DMBT1: variants seen among roughly 807,000 people sequenced by gnomAD.
The protein encoded by DMBT1 is deleted in malignant brain tumors 1.
DMBT1 carries 198 observed loss-of-function variants against 252.9 expected under a neutral mutation model. The observed-to-expected ratio is 0.78, with a 90% CI of 0.70 to 0.88. DMBT1 has a LOEUF of 0.88. Ranked by LOEUF, DMBT1 falls within the 40% of genes least tolerant of loss-of-function variation. The probability of loss-of-function intolerance (pLI) is 0.00; values close to 1 mark genes in which losing one functional copy is unlikely to be tolerated. For synonymous variants in DMBT1, 990 were observed against 942.7 expected, an observed-to-expected ratio of 1.05 and a Z score of -0.92; for missense variants, 2,432 against 2,404.7, an observed-to-expected ratio of 1.01 and a Z score of -0.24.
intron 46 of DMBT1, 111 bp from the exon 47 acceptor site, chr10:122,629,729 C>G (rs970256146): frequency 1.5e-6 from 2 of 1,314,920 alleles, no homozygotes; most frequent in Non-Finnish European, 2.1e-6. Flanking sequence ...AAAGTTAAGT[C>G]TTGTTATAAA....
rs111726992 is a variant in DMBT1 at position 122,621,240 on chromosome 10, G to T, written c.5468G>T (p.Arg1823Leu). 4 of 1,613,810 alleles carry T rather than the reference G, an allele frequency of 2.5e-6. No individual in the cohort carries two copies. Among genetic ancestry groups the T allele is most frequent in the African/African-American group, 1.3e-5 (1 of 75,030 alleles). The part of the protein sequence containing the change: ...GWAMSAPGNA[R>L]FGQGSGPIVL... The stretch of plus-strand genomic sequence containing the variant: ...GCCATGTCGGCCCCAGGAAATGCCC[G>T]GTTTGGCCAGGGCTCAGGACCCATT... Residue 1823 changes from arginine (R) to leucine (L), a missense_variant, in exon 44 of 56, where the codon CGG (arginine) becomes CTG (leucine). Physicochemically the swap from Arg to Leu is moderately radical, Grantham distance 102. Transcript: ENST00000338354.
chr10:122,617,669 T>C (rs2098008223), intron 40 of DMBT1, among the ~76,000 whole-genome samples: 2 of 151,656 alleles, frequency 1.3e-5, no homozygotes, highest in South Asian at 4.2e-4. Flanking sequence ...GAGGACCATG[T>C]GGATGCCACC....
chr10:122,642,259 G>A (rs961344936), intron 55 of DMBT1, among the ~76,000 whole-genome samples: 13 of 152,162 alleles, frequency 8.5e-5, no homozygotes, highest in African/African-American at 3.1e-4. Context: ...GGCTCTAGAA[G>A]ACAGAAGGAG....
At chr10:122,630,843 T>A (rs2098158670) in intron 48 of DMBT1, 118 bp from the exon 49 acceptor site, 6 of 1,167,588 alleles carry the variant, frequency 5.1e-6, no homozygotes, top group Non-Finnish European at 7.2e-6. Flanking sequence ...TTTTCCACAT[T>A]TCTATTTGGC....
At chr10:122,578,636 T>G in intron 8 of DMBT1, 82 bp from the exon 9 acceptor site, 5 of 1,230,676 alleles carry the variant, frequency 4.1e-6, no homozygotes, top group Non-Finnish European at 5.9e-6. Context: ...TCACAGTGCT[T>G]GCCTGGTCCA....
chr10:122,642,187 A>C (rs1002405542), intron 55 of DMBT1, among the ~76,000 whole-genome samples: 1 of 149,926 alleles, frequency 6.7e-6, no homozygotes, highest in African/African-American at 2.5e-5. Context: ...AAAAAAAAAC[A>C]AAAACAAAAA....
At chr10:122,619,619 G>T (rs796641303) in intron 42 of DMBT1, among the ~76,000 whole-genome samples, 23 of 152,330 alleles carry the variant, frequency 1.5e-4, no homozygotes, top group African/African-American at 5.0e-4. Context: ...TGTTTAATGA[G>T]CTTTAGCTCA....
intron 3 of DMBT1, 118 bp downstream of exon 3, chr10:122,570,327 T>C: frequency 2.2e-6 from 2 of 898,380 alleles, no homozygotes; most frequent in East Asian, 2.4e-5. Flanking sequence ...ATTCAGTGTT[T>C]GGGCTGACTG....
rs2097752578 is a variant in DMBT1 at position 122,579,909 on chromosome 10, T to A, written c.1003+8T>A. The A allele has an allele frequency of 6.2e-7, 1 of 1,613,724 alleles. No individual in the cohort carries two copies. On this transcript the variant is annotated splice_region_variant and intron_variant, in intron 10 of 55. Transcript: ENST00000338354. ...CTGGTGTCATCTGCTCAGGTGGGCC[T>A]TCAAGAACTTGGGCTCACTCTCTTG...
chr10:122,567,617 C>T (rs987889998), intron 2 of DMBT1, among the ~76,000 whole-genome samples: 3 of 152,204 alleles, frequency 2.0e-5, no homozygotes, highest in Admixed American at 6.5e-5. Flanking sequence ...CTGGCTCCTA[C>T]TGTCAGGACG....
At chr10:122,617,203 C>T (rs748148174) in intron 39 of DMBT1, 25 bp from the exon 40 acceptor site, 6 of 1,607,368 alleles carry the variant, frequency 3.7e-6, no homozygotes, top group Non-Finnish European at 4.2e-6. Flanking sequence ...CTAATTCTGT[C>T]TTTTTTCTTT....
At position 122,578,757 on chromosome 10, in the gene DMBT1, A is replaced by T. The variant is rs564260939; in HGVS notation, c.677A>T (p.Glu226Val). ...PVRISPPVPT[E>V]GSESSLALRL... Reference sequence around the variant, plus strand: ...AGGATATCACCACCTGTACCCACAGAAGGTAAAGAATCCTCTCAACACTCC... The same window carrying T: ...AGGATATCACCACCTGTACCCACAGTAGGTAAAGAATCCTCTCAACACTCC... Residue 226 changes from glutamate (E) to valine (V), a missense_variant and splice_region_variant, in exon 9 of 56, where the codon GAA becomes GTA. Glu to Val is a moderately radical substitution (Grantham distance 121, BLOSUM62 -2). This residue lies in a region of DMBT1 where 1,264 missense variants were observed against 1,082.2 expected (regional missense o/e 1.17). Transcript: ENST00000338354. 1.0e-5 allele frequency: 16 copies of T among 1,607,440 alleles called. No homozygotes were observed. The African/African-American group carries it at 1.7e-4, about 17-fold the overall frequency.
chr10:122,594,239 A>T (rs955700398), intron 21 of DMBT1, among the ~76,000 whole-genome samples: 1 of 137,436 alleles, frequency 7.3e-6, no homozygotes, highest in African/African-American at 2.5e-5. Flanking sequence ...GTGGGATGGC[A>T]TGGTGGGGGC....
intron 40 of DMBT1, among the ~76,000 whole-genome samples, chr10:122,617,553 G>T (rs2098005378): frequency 6.6e-6 from 1 of 151,580 alleles, no homozygotes. Flanking sequence ...CTCTTTCCTG[G>T]CCCTCTGACC....
Position 122,619,342 on chromosome 10 carries a change from G to A in DMBT1, c.5245+5G>A. 6.2e-7 allele frequency: 1 copy of A among 1,613,938 alleles called. No individual in the cohort carries two copies. The highest frequency in any genetic ancestry group is 1.3e-5 in the African/African-American group (1 of 75,018). On this transcript the variant is annotated splice_donor_5th_base_variant and intron_variant, in intron 42 of 55. Coordinates refer to ENST00000338354, the MANE Select transcript of DMBT1 (RefSeq NM_001377530.1). ...CCCAGTCAACGCCCAGGCCAGGTGA[G>A]TCCCCAGCATCCTTCATCGGGATGT...
In DMBT1 at chr10:122,579,608, T is replaced by C; in HGVS notation, c.710T>C (p.Val237Ala). The C allele has an allele frequency of 1.2e-6, 2 of 1,613,428 alleles. No individual in the cohort carries two copies. The highest frequency in any genetic ancestry group is 2.2e-5 in the East Asian group (1 of 44,874). Reference sequence around the variant, plus strand: ...GAATCCAGTTTGGCCCTGAGGCTGGTGAATGGAGGCGACAGGTGTCGAGGC... The same window carrying C: ...GAATCCAGTTTGGCCCTGAGGCTGGCGAATGGAGGCGACAGGTGTCGAGGC... ...GSESSLALRL[V>A]NGGDRCRGRV... Residue 237 changes from valine to alanine, a missense_variant, in exon 10 of 56, where the codon GTG becomes GCG. Transcript: ENST00000338354.
intron 41 of DMBT1, 24 bp downstream of exon 41, chr10:122,618,364 C>T (rs761554977): frequency 1.2e-6 from 2 of 1,613,814 alleles, no homozygotes; most frequent in East Asian, 2.2e-5. Flanking sequence ...ACCTTGGGCT[C>T]CCTCTCTTAA....
intron 25 of DMBT1, 47 bp downstream of exon 25, chr10:122,598,059 G>T: frequency 6.2e-7 from 1 of 1,612,464 alleles, no homozygotes. Flanking sequence ...TCTACCTCTG[G>T]ACAAATGTTT....
At chr10:122,640,009 C>A (rs1460013524) in intron 54 of DMBT1, 31 bp from the exon 55 acceptor site, 1 of 1,599,362 alleles carries the variant, frequency 6.3e-7, no homozygotes, top group East Asian at 2.2e-5. Context: ...TGACATGTGC[C>A]TGACTCTGCT....
Sources: allele counts gnomAD v4.1 joint callset (sites outside exome capture counted in the v4.1 genomes callset), GRCh38; gene constraint gnomAD v4.1.1; regional missense constraint gnomAD v4.1.1; transcripts MANE v1.5; gene names NCBI Gene and HGNC (gene_info 2026-07-23, HGNC 2026-07-21).